The following ARHGAP26 variants were observed in gnomAD, a reference collection of about 807,000 sequenced individuals.
ARHGAP26 encodes rho GTPase-activating protein 26.
In ARHGAP26, 38 loss-of-function variants were observed where a neutral mutation model predicts 104.8. That is an observed-to-expected ratio of 0.36 (90% CI 0.28 to 0.48). The LOEUF (loss-of-function observed/expected upper bound fraction) is 0.48, where lower values mean the gene tolerates loss of function less well. Ranked by LOEUF, ARHGAP26 falls within the 20% of genes least tolerant of loss-of-function variation. The pLI is 0.99. For synonymous variants in ARHGAP26, 341 were observed against 340.0 expected, an observed-to-expected ratio of 1.00 and a Z score of -0.03; for missense variants, 704 against 947.9, an observed-to-expected ratio of 0.74 and a Z score of 3.38.
At chr5:142,921,559 G>T (rs405312) in intron 10 of ARHGAP26, 33,618 of 166,872 alleles carry the variant, frequency 0.2, 3,961 homozygotes, top group East Asian at 0.45. Flanking sequence ...CTGAAGATTG[G>T]TGAAAGTCAG....
At chr5:143,202,597 A>G (rs1807932573) in intron 20 of ARHGAP26, 1 of 152,216 alleles carries the variant, frequency 6.6e-6, no homozygotes, top group Admixed American at 6.5e-5. Flanking sequence ...ATATGGAACC[A>G]AAAAAGAGCC....
intron 1 of ARHGAP26, among the ~76,000 whole-genome samples, chr5:142,867,240 C>A (rs532844986): frequency 7.3e-5 from 11 of 151,024 alleles, no homozygotes; most frequent in Non-Finnish European, 1.3e-4. Context: ...GTCACGGAAA[C>A]GAGAAAAATG....
At chr5:142,883,706 G>A (rs1220206861) in intron 4 of ARHGAP26, among the ~76,000 whole-genome samples, 1 of 152,234 alleles carries the variant, frequency 6.6e-6, no homozygotes, top group Non-Finnish European at 1.5e-5. Flanking sequence ...GTATTTCACA[G>A]GTAGGTCTCA....
At chr5:142,921,521 G>A (rs915092174) in intron 10 of ARHGAP26, 7 of 167,044 alleles carry the variant, frequency 4.2e-5, no homozygotes, top group Non-Finnish European at 8.8e-5. Context: ...CTGCATTTGT[G>A]TACTGTTAGG....
intron 20 of ARHGAP26, among the ~76,000 whole-genome samples, chr5:143,186,378 T>A (rs910091352): frequency 6.6e-6 from 1 of 152,092 alleles, no homozygotes; most frequent in African/African-American, 2.4e-5. Flanking sequence ...CACATGGGGC[T>A]CCTAAGAAGC....
Position 143,222,668 on chromosome 5 carries a change from G to A in ARHGAP26, c.*222G>A, listed in dbSNP as rs2151437034. 1 of 383,540 alleles carries A rather than the reference G, an allele frequency of 2.6e-6. No individual in the cohort carries two copies. Among genetic ancestry groups the A allele is most frequent in the East Asian group, 3.7e-5 (1 of 27,222 alleles). 23.8% of individuals were successfully genotyped at this position (383,540 alleles called of 1,614,324 possible). Reference sequence around the variant, plus strand: ...CAAGAAAAGAAGTCAATCAGCAGAGGAGAGCATTTGATAACTAAGAGGAAG... The same window carrying A: ...CAAGAAAAGAAGTCAATCAGCAGAGAAGAGCATTTGATAACTAAGAGGAAG... On this transcript the variant is annotated 3_prime_UTR_variant, in exon 23 of 23. Coordinates refer to ENST00000645722, the MANE Select transcript of ARHGAP26 (RefSeq NM_001135608.3).
At chr5:143,209,144 G>A (rs1450036412) in intron 21 of ARHGAP26, among the ~76,000 whole-genome samples, 3 of 152,156 alleles carry the variant, frequency 2.0e-5, no homozygotes, top group Non-Finnish European at 2.9e-5. Flanking sequence ...AATGGGTTAA[G>A]AGACTCAAGA....
chr5:143,038,783 A>G (rs1182363537), intron 13 of ARHGAP26, among the ~76,000 whole-genome samples: 1 of 127,480 alleles, frequency 7.8e-6, no homozygotes, highest in African/African-American at 3.0e-5. Context: ...GCAAACTCCA[A>G]CTCCCTGGTT....
intron 20 of ARHGAP26, among the ~76,000 whole-genome samples, chr5:143,158,933 C>T (rs1039295666): frequency 2.6e-5 from 4 of 152,150 alleles, no homozygotes; most frequent in African/African-American, 9.7e-5. Flanking sequence ...TATTAGGATC[C>T]TAAGAAGAAA....
intron 20 of ARHGAP26, among the ~76,000 whole-genome samples, chr5:143,164,617 G>C (rs1438423260): frequency 1.3e-5 from 2 of 152,102 alleles, no homozygotes; most frequent in African/African-American, 4.8e-5. Flanking sequence ...CTTTTCACTA[G>C]TATGCCAACT....
At chr5:143,156,271 G>A (rs1434593356) in intron 20 of ARHGAP26, among the ~76,000 whole-genome samples, 1 of 152,200 alleles carries the variant, frequency 6.6e-6, no homozygotes, top group Non-Finnish European at 1.5e-5. Context: ...TGCTTACTTA[G>A]CTAGGAAAGC....
intron 1 of ARHGAP26, among the ~76,000 whole-genome samples, chr5:142,859,061 TG>T (rs1367632973): frequency 6.6e-6 from 1 of 152,142 alleles, no homozygotes; most frequent in African/African-American, 2.4e-5. Flanking sequence ...AGACCTTGGT[TG>T]GATTTATTTT....
intron 1 of ARHGAP26, among the ~76,000 whole-genome samples, chr5:142,778,334 C>G (rs1756770351): frequency 6.6e-6 from 1 of 152,188 alleles, no homozygotes; most frequent in Non-Finnish European, 1.5e-5. Flanking sequence ...AATACATTCT[C>G]ATGCAAGCAT....
In ARHGAP26 at chr5:143,106,466, C is replaced by CTTTTTT. The variant is rs70991793; in HGVS notation, c.1539-14503_1539-14498dup. ...CTCCTTTGGAATACAATGCATTGGG[C>CTTTTTT]TTTTTTTTTTTTTTTTTTTTTTTTG... On this transcript the variant is annotated intron_variant, in intron 17 of 22. Coordinates refer to ENST00000645722, the MANE Select transcript of ARHGAP26 (RefSeq NM_001135608.3). Among the ~76,000 whole-genome samples, 143 of 77,296 alleles carry CTTTTTT rather than the reference C, an allele frequency of 1.9e-3. 2 individuals carry two copies. Among genetic ancestry groups the CTTTTTT allele is most frequent in the Middle Eastern group, 0.014 (1 of 70 alleles). The allele number at this position is 77,296 out of a possible 152,430, so 50.7% of individuals were successfully genotyped here.
At chr5:143,197,977 A>G (rs994033872) in intron 20 of ARHGAP26, among the ~76,000 whole-genome samples, 1 of 152,224 alleles carries the variant, frequency 6.6e-6, no homozygotes, top group Non-Finnish European at 1.5e-5. Context: ...CTGTACATCC[A>G]GTTCCCCACT....
chr5:142,789,847 T>G (rs1759438482), intron 1 of ARHGAP26, among the ~76,000 whole-genome samples: 3 of 152,182 alleles, frequency 2.0e-5, no homozygotes, highest in African/African-American at 7.2e-5. Flanking sequence ...AACCCTTCTT[T>G]CCTTATGTAT....
rs527604995 is a variant in ARHGAP26 at position 143,043,628 on chromosome 5, T to G, written c.1285+1738T>G. Among the ~76,000 whole-genome samples the G allele has an allele frequency of 4.6e-5, 7 of 152,300 alleles. No homozygotes were observed. In the South Asian group the frequency reaches 1.4e-3, roughly 32 times the overall value. ...TGAGAATTTCTAATATAAGGAAGAATTAAGAGTCTAATAGGTGTCAATCCT... is the reference window on the plus strand; with the variant it reads ...TGAGAATTTCTAATATAAGGAAGAAGTAAGAGTCTAATAGGTGTCAATCCT... On this transcript the variant is annotated intron_variant, in intron 14 of 22. Transcript: ENST00000645722.
chr5:143,219,383 A>T (rs1044772973), intron 22 of ARHGAP26, among the ~76,000 whole-genome samples: 3 of 152,242 alleles, frequency 2.0e-5, no homozygotes, highest in African/African-American at 7.2e-5. Context: ...GGCAGAAGGG[A>T]GTTACTGAAG....
chr5:143,051,401 T>C (rs1458350601), intron 14 of ARHGAP26, among the ~76,000 whole-genome samples: 1 of 152,192 alleles, frequency 6.6e-6, no homozygotes, highest in East Asian at 1.9e-4. Context: ...CTTTTGTACA[T>C]TGGATTGCTC....
Sources: allele counts gnomAD v4.1 joint callset (sites outside exome capture counted in the v4.1 genomes callset), GRCh38; gene constraint gnomAD v4.1.1; transcripts MANE v1.5; gene names NCBI Gene and HGNC (gene_info 2026-07-23, HGNC 2026-07-21).